The following IP6K2 variants were observed in gnomAD, a reference collection of about 807,000 sequenced individuals.
IP6K2 encodes the protein inositol hexakisphosphate kinase 2.
IP6K2 carries 9 observed loss-of-function variants against 43.3 expected under a neutral mutation model. That is an observed-to-expected ratio of 0.21 (90% confidence interval 0.13 to 0.36). The LOEUF is 0.36. Ranked by LOEUF, IP6K2 falls within the 10% of genes least tolerant of loss-of-function variation. The probability of loss-of-function intolerance (pLI) is 1.00; values close to 1 mark genes in which losing one functional copy is unlikely to be tolerated. For missense variants in IP6K2, 332 were observed against 538.4 expected (o/e 0.62, Z 3.79); for synonymous variants, 209 against 202.4 (o/e 1.03, Z -0.28).
chr3:48,699,875 T>C (rs2078838297), intron 1 of IP6K2: 1 of 152,134 alleles, frequency 6.6e-6, no homozygotes, highest in Admixed American at 6.6e-5. Context: ...TAGTAGTTTT[T>C]TAAAAAAATT....
chr3:48,714,588 T>C (rs2080966467), intron 1 of IP6K2, among the ~76,000 whole-genome samples: 1 of 152,162 alleles, frequency 6.6e-6, no homozygotes, highest in African/African-American at 2.4e-5. Context: ...AGACGGGGTT[T>C]CACCAGGTTG....
At chr3:48,696,121 T>C (rs1287782860) in intron 1 of IP6K2, among the ~76,000 whole-genome samples, 1 of 151,904 alleles carries the variant, frequency 6.6e-6, no homozygotes, top group Non-Finnish European at 1.5e-5. Flanking sequence ...CTTGACCTCA[T>C]GATCTGCCCA....
At chr3:48,713,996 A>C (rs2080867461) in intron 1 of IP6K2, among the ~76,000 whole-genome samples, 1 of 151,892 alleles carries the variant, frequency 6.6e-6, no homozygotes, top group African/African-American at 2.4e-5. Flanking sequence ...ACATGCCTGT[A>C]GTCCCAGCTA....
chr3:48,694,697 A>T, intron 2 of IP6K2: 1 of 1,504,754 alleles, frequency 6.6e-7, no homozygotes, highest in Non-Finnish European at 8.8e-7. Context: ...GGCCTACCTA[A>T]TTACCCGGGC....
chr3:48,703,718 A>AAAAAC (rs752659580), intron 1 of IP6K2, among the ~76,000 whole-genome samples: 72 of 152,102 alleles, frequency 4.7e-4, no homozygotes, highest in Non-Finnish European at 9.1e-4. Flanking sequence ...CTCTGTCTCA[A>AAAAAC]AAAACAAAAC....
rs1021805710 is a variant in IP6K2, at chr3:48,690,323, A to C, written c.605-610T>G. Among the ~76,000 whole-genome samples the C allele has an allele frequency of 2.0e-5, 3 of 152,234 alleles. No individual in the cohort carries two copies. In the East Asian group the frequency reaches 5.8e-4, roughly 29 times the overall value. ...GGCCTATAAGCTAGGAATGGTTTTT[A>C]CATTTTTAAGAGACCAAAAAATAGA... On this transcript the variant is annotated intron_variant, in intron 4 of 5. Transcript: ENST00000328631.
chr3:48,702,225 C>A (rs2079132718), intron 1 of IP6K2, among the ~76,000 whole-genome samples: 1 of 151,538 alleles, frequency 6.6e-6, no homozygotes, highest in South Asian at 2.1e-4. Context: ...AGCGAGACTC[C>A]ATGTCAAAAA....
At chr3:48,708,066 C>T (rs1191776611) in intron 1 of IP6K2, 1 of 151,740 alleles carries the variant, frequency 6.6e-6, no homozygotes, top group African/African-American at 2.4e-5. Flanking sequence ...TGGGGACACC[C>T]TGTCTCTACC....
At chr3:48,708,424 G>GC (rs2080080208) in intron 1 of IP6K2, among the ~76,000 whole-genome samples, 5 of 151,674 alleles carry the variant, frequency 3.3e-5, no homozygotes, top group African/African-American at 1.2e-4. Context: ...TGAGATGGGG[G>GC]CTCACTATGT....
Position 48,688,776 on chromosome 3 carries a change from G to A in IP6K2, c.781-3C>T, listed in dbSNP as rs376702328. ...TGCCCACTGCCTGCTTGGTACACCT[G>A]TAGGAGAGAGACCAGCAAGTCAGGG... On this transcript the variant is annotated splice_polypyrimidine_tract_variant and splice_region_variant and intron_variant, in intron 5 of 5. Transcript: ENST00000328631. The surrounding 1 kb of genome is among the most constrained non-coding windows in gnomAD (Gnocchi z 5.1). The A allele has an allele frequency of 8.8e-6, 14 of 1,595,854 alleles. No homozygotes were observed. In the African/African-American group the frequency reaches 1.7e-4, roughly 20 times the overall value.
chr3:48,692,722 G>A (rs1297876367), intron 3 of IP6K2, among the ~76,000 whole-genome samples: 3 of 152,198 alleles, frequency 2.0e-5, no homozygotes, highest in South Asian at 4.1e-4. Flanking sequence ...TCATAGAAGA[G>A]TGAGTGAATC....
At chr3:48,696,428 A>T (rs963720160) in intron 1 of IP6K2, among the ~76,000 whole-genome samples, 1 of 152,162 alleles carries the variant, frequency 6.6e-6, no homozygotes, top group African/African-American at 2.4e-5. Flanking sequence ...ACAGTGTTCT[A>T]GGTCACTATT....
chr3:48,689,805 G>C, intron 4 of IP6K2, 92 bp from the exon 5 acceptor site: 1 of 1,111,996 alleles, frequency 9.0e-7, no homozygotes, highest in Non-Finnish European at 1.3e-6. Context: ...CAGTGACCCA[G>C]AGAAGCCTGA....
intron 1 of IP6K2, chr3:48,708,349 C>T (rs778362914): frequency 6.6e-6 from 1 of 152,076 alleles, no homozygotes; most frequent in Non-Finnish European, 1.5e-5. Context: ...AAAAGCTTCT[C>T]GCTAAAACAA....
chr3:48,688,237 C>G lies in IP6K2; in HGVS notation c.*36G>C, dbSNP rs1204643038. ...ACGCAGCACAGCTGTGCCTGGGACA[C>G]AGAGTCGCTCTCAAGTACTGGAGCA... On this transcript the variant is annotated 3_prime_UTR_variant, in exon 6 of 6. Coordinates refer to ENST00000328631, the MANE Select transcript of IP6K2 (RefSeq NM_016291.4). This position sits in a 1 kb window ranked among gnomAD's most constrained non-coding sequence, Gnocchi z 5.1. The G allele has an allele frequency of 1.2e-6, 2 of 1,600,772 alleles. No homozygotes were observed. The highest frequency in any genetic ancestry group is 1.7e-6 in the Non-Finnish European group (2 of 1,171,000).
At position 48,688,842 on chromosome 3, in the gene IP6K2, GGGTGGTGT is replaced by G. The variant is rs2106772593; in HGVS notation, c.781-77_781-70del. 6.6e-7 allele frequency: 1 copy of G among 1,518,730 alleles called. No homozygotes were observed. Among genetic ancestry groups the G allele is most frequent in the South Asian group, 1.3e-5 (1 of 78,738 alleles). 94.1% of individuals were successfully genotyped at this position (1,518,730 alleles called of 1,614,324 possible). ...AAACCCTGGACCCCGGGCGGGGGTG[GGGTGGTGT>G]GGTGGTGGCGGCATGTGACAGCCCA... On this transcript the variant is annotated intron_variant, in intron 5 of 5. Coordinates refer to ENST00000328631, the MANE Select transcript of IP6K2 (RefSeq NM_016291.4). This position sits in a 1 kb window ranked among gnomAD's most constrained non-coding sequence, Gnocchi z 5.1.
chr3:48,703,812 C>T (rs1443398147), intron 1 of IP6K2, among the ~76,000 whole-genome samples: 1 of 152,026 alleles, frequency 6.6e-6, no homozygotes, highest in East Asian at 1.9e-4. Flanking sequence ...AACTATCAGC[C>T]AGGAGCAGTG....
intron 1 of IP6K2, among the ~76,000 whole-genome samples, chr3:48,711,104 T>C (rs1457836108): frequency 6.6e-6 from 1 of 152,136 alleles, no homozygotes; most frequent in Non-Finnish European, 1.5e-5. Context: ...AGAGACAAGG[T>C]TTCGCCACGT....
intron 1 of IP6K2, chr3:48,716,917 G>C (rs1264269859): frequency 6.6e-6 from 1 of 152,046 alleles, no homozygotes; most frequent in African/African-American, 2.4e-5. Context: ...GGAGGATGCT[G>C]GACCCCCAAA....
Sources: allele counts gnomAD v4.1 joint callset (sites outside exome capture counted in the v4.1 genomes callset), GRCh38; gene constraint gnomAD v4.1.1; non-coding constraint Gnocchi (gnomAD v3.1); transcripts MANE v1.5; gene names NCBI Gene and HGNC (gene_info 2026-07-23, HGNC 2026-07-21).